The following TIAM1 variants were observed in gnomAD, a reference collection of about 807,000 sequenced individuals.
TIAM1 encodes TIAM Rac1 associated GEF 1.
In TIAM1, 65 loss-of-function variants were observed where a neutral mutation model predicts 163.5. The observed-to-expected ratio is 0.40, with a 90% CI of 0.33 to 0.49. TIAM1 has a LOEUF of 0.49. Among genes scored for constraint, TIAM1 ranks in the 20% least tolerant of loss-of-function variants. TIAM1 has a pLI of 0.77. For synonymous variants in TIAM1, 833 were observed against 810.1 expected, an observed-to-expected ratio of 1.03 and a Z score of -0.48; for missense variants, 1,789 against 2,044.7, an observed-to-expected ratio of 0.87 and a Z score of 2.41.
At chr21:31,185,423 T>TATATAATTATATATAATTATGC (rs1568988482) in intron 14 of TIAM1, among the ~76,000 whole-genome samples, 1 of 142,722 alleles carries the variant, frequency 7.0e-6, no homozygotes, top group Non-Finnish European at 1.5e-5. Context: ...TATAATTATG[T>TATATAATTATATATAATTATGC]TATATAATTA....
intron 13 of TIAM1, among the ~76,000 whole-genome samples, chr21:31,188,233 C>G (rs923354521): frequency 1.3e-5 from 2 of 152,180 alleles, no homozygotes; most frequent in Non-Finnish European, 2.9e-5. Flanking sequence ...TACCGTAACA[C>G]CCTCAGATAG....
chr21:31,438,924 C>T (rs1313195353), intron 2 of TIAM1, among the ~76,000 whole-genome samples: 2 of 152,156 alleles, frequency 1.3e-5, no homozygotes, highest in African/African-American at 4.8e-5. Flanking sequence ...GCAGTTTCAT[C>T]CCCAGTTGAG....
At chr21:31,507,311 T>G (rs1019747325) in intron 1 of TIAM1, among the ~76,000 whole-genome samples, 5 of 145,558 alleles carry the variant, frequency 3.4e-5, no homozygotes, top group Admixed American at 7.1e-5. Context: ...TTCAAGCAAT[T>G]CTCTTGCCTC....
At chr21:31,314,504 A>C (rs1190758902) in intron 2 of TIAM1, among the ~76,000 whole-genome samples, 2 of 152,224 alleles carry the variant, frequency 1.3e-5, no homozygotes, top group Non-Finnish European at 2.9e-5. Flanking sequence ...TATATAGTAA[A>C]ACAAGCTGCA....
intron 1 of TIAM1, among the ~76,000 whole-genome samples, chr21:31,517,049 A>AG (rs1487357190): frequency 9.3e-6 from 1 of 107,600 alleles, no homozygotes; most frequent in East Asian, 3.0e-4. Flanking sequence ...ACTCTGTCTC[A>AG]AAAAAAAAAA....
At chr21:31,185,222 T>C (rs1465451661) in intron 14 of TIAM1, among the ~76,000 whole-genome samples, 1 of 151,952 alleles carries the variant, frequency 6.6e-6, no homozygotes, top group African/African-American at 2.4e-5. Flanking sequence ...CAGCCCTACC[T>C]ACCTGTCCCA....
At chr21:31,551,973 T>TGTTACAA (rs1198991324) in intron 1 of TIAM1, among the ~76,000 whole-genome samples, 1 of 151,594 alleles carries the variant, frequency 6.6e-6, no homozygotes, top group Non-Finnish European at 1.5e-5. Context: ...GGCAGAAGAC[T>TGTTACAA]GTTACAATAC....
intron 13 of TIAM1, among the ~76,000 whole-genome samples, chr21:31,191,219 T>G (rs1046081857): frequency 1.3e-5 from 2 of 152,078 alleles, no homozygotes; most frequent in African/African-American, 4.8e-5. Flanking sequence ...GGGAGTGCAG[T>G]GGCACAATCT....
intron 2 of TIAM1, among the ~76,000 whole-genome samples, chr21:31,401,952 C>G (rs2077173104): frequency 6.6e-6 from 1 of 151,280 alleles, no homozygotes; most frequent in South Asian, 2.1e-4. Context: ...TGGTGGCTCA[C>G]ACCTGTAATC....
At chr21:31,304,554 A>G (rs1362407715) in intron 2 of TIAM1, among the ~76,000 whole-genome samples, 1 of 152,250 alleles carries the variant, frequency 6.6e-6, no homozygotes, top group Non-Finnish European at 1.5e-5. Context: ...ACCGTGCTAA[A>G]ATATCAACGT....
chr21:31,226,953 T>G (rs796747606), intron 6 of TIAM1, among the ~76,000 whole-genome samples: 17 of 80,764 alleles, frequency 2.1e-4, no homozygotes, highest in East Asian at 1.8e-3. Context: ...AAATTCTGTG[T>G]TTTTTTTTTT....
intron 11 of TIAM1, among the ~76,000 whole-genome samples, chr21:31,209,519 G>A (rs2086617922): frequency 1.3e-5 from 2 of 152,320 alleles, no homozygotes; most frequent in Non-Finnish European, 2.9e-5. Flanking sequence ...CATCAATGGA[G>A]GTCAAACTTA....
At chr21:31,305,129 T>C (rs1483874585) in intron 2 of TIAM1, among the ~76,000 whole-genome samples, 1 of 152,204 alleles carries the variant, frequency 6.6e-6, no homozygotes, top group Non-Finnish European at 1.5e-5. Flanking sequence ...TTAAAATATT[T>C]TGCTCAACAA....
intron 27 of TIAM1, chr21:31,123,883 G>A (rs1445407824): frequency 6.6e-6 from 1 of 152,196 alleles, no homozygotes; most frequent in African/African-American, 2.4e-5. Context: ...AATGGATTAA[G>A]TCCTACAAGA....
intron 8 of TIAM1, among the ~76,000 whole-genome samples, chr21:31,218,191 G>T (rs942866868): frequency 2.0e-5 from 3 of 152,132 alleles, no homozygotes; most frequent in African/African-American, 7.2e-5. Context: ...TGTTTTCTTA[G>T]GATATATAAA....
chr21:31,237,713 C>G (rs140195129), intron 6 of TIAM1, among the ~76,000 whole-genome samples: 8 of 152,286 alleles, frequency 5.3e-5, no homozygotes, highest in African/African-American at 1.9e-4. Context: ...AGATATATAA[C>G]TGCATATGAT....
Position 31,443,435 on chromosome 21 carries a change from A to C in TIAM1, c.-369+20548T>G, listed in dbSNP as rs538968604. Among the ~76,000 whole-genome samples the C allele has an allele frequency of 3.4e-4, 52 of 152,356 alleles. No homozygotes were observed. The South Asian group carries it at 0.011, about 32-fold the overall frequency. On this transcript the variant is annotated intron_variant, in intron 2 of 28. Transcript: ENST00000286827. ...TGGTTTAATTCTTTTCCTTTTAAGG[A>C]AAGATCTGATATTTTAATGGTTTTT... is the stretch of plus-strand genomic sequence containing the variant.
intron 1 of TIAM1, among the ~76,000 whole-genome samples, chr21:31,467,398 C>T (rs1478872443): frequency 1.3e-5 from 2 of 151,944 alleles, no homozygotes; most frequent in South Asian, 2.1e-4. Flanking sequence ...TCTGGGAGGC[C>T]GAGGTGGGCA....
chr21:31,516,909 G>A (rs1298875021), intron 1 of TIAM1, among the ~76,000 whole-genome samples: 3 of 151,556 alleles, frequency 2.0e-5, no homozygotes, highest in African/African-American at 2.4e-5. Context: ...AATTAGCTGG[G>A]CGTGGTGGCG....
Sources: allele counts gnomAD v4.1 joint callset (sites outside exome capture counted in the v4.1 genomes callset), GRCh38; gene constraint gnomAD v4.1.1; transcripts MANE v1.5; gene names NCBI Gene and HGNC (gene_info 2026-07-23, HGNC 2026-07-21).